The following NEGR1 variants were observed in gnomAD, a reference collection of about 807,000 sequenced individuals.
NEGR1 encodes neuronal growth regulator 1.
Under a neutral mutation model 40.9 loss-of-function variants are expected in NEGR1, and 10 were observed. The observed-to-expected ratio is 0.24, with a 90% confidence interval of 0.15 to 0.42. NEGR1 has a LOEUF of 0.42. Ranked by LOEUF, NEGR1 falls within the 10% of genes least tolerant of loss-of-function variation. The probability of loss-of-function intolerance (pLI) is 1.00; values close to 1 mark genes in which losing one functional copy is unlikely to be tolerated. For synonymous variants in NEGR1, 185 were observed against 166.8 expected, an observed-to-expected ratio of 1.11 and a Z score of -0.84; for missense variants, 352 against 438.9, an observed-to-expected ratio of 0.80 and a Z score of 1.77.
Position 71,685,968 on chromosome 1 carries a change from T to C in NEGR1, c.667+12040A>G, listed in dbSNP as rs1011765444. 1.8e-4 allele frequency among the ~76,000 whole-genome samples: 27 copies of C among 151,990 alleles called. 1 individual carries two copies. Among genetic ancestry groups the C allele is most frequent in the Admixed American group, 1.5e-3 (23 of 15,250 alleles). On this transcript the variant is annotated intron_variant, in intron 4 of 6. Coordinates refer to ENST00000357731, the MANE Select transcript of NEGR1 (RefSeq NM_173808.3). ...TTTATGTCAGAGGTTAATGGCCAGA[T>C]GCTATTTTAAATCCAGTTGTGTTTC...
intron 1 of NEGR1, among the ~76,000 whole-genome samples, chr1:72,280,732 T>C (rs1474885592): frequency 2.6e-5 from 4 of 152,194 alleles, no homozygotes; most frequent in African/African-American, 4.8e-5. Context: ...TTTGAACTCA[T>C]AGGCATGTTC....
chr1:71,978,528 C>T (rs928086213), intron 1 of NEGR1, among the ~76,000 whole-genome samples: 2 of 151,988 alleles, frequency 1.3e-5, no homozygotes, highest in African/African-American at 4.8e-5. Context: ...AAAGCAACCC[C>T]ATTAAAAAGT....
chr1:72,122,132 ACCAAAACT>A (rs988757151), intron 1 of NEGR1, among the ~76,000 whole-genome samples: 2 of 152,032 alleles, frequency 1.3e-5, no homozygotes, highest in African/African-American at 4.8e-5. Context: ...AATCAAAAAC[ACCAAAACT>A]CCCATACTCA....
chr1:72,098,306 A>C (rs371378734), intron 1 of NEGR1, among the ~76,000 whole-genome samples: 28 of 152,244 alleles, frequency 1.8e-4, no homozygotes, highest in African/African-American at 6.5e-4. Flanking sequence ...TTAAAACGGA[A>C]ACAACATAAT....
intron 2 of NEGR1, among the ~76,000 whole-genome samples, chr1:71,921,703 AATATATAT>A (rs61614174): frequency 0.063 from 8,428 of 134,006 alleles, 571 homozygotes; most frequent in Admixed American, 0.2. Context: ...ACAGTACAAG[AATATATAT>A]ATATATATAT....
chr1:71,451,333 A>ATTT lies in NEGR1; in HGVS notation c.941-43766_941-43764dup, dbSNP rs35201330. On this transcript the variant is annotated intron_variant, in intron 6 of 6. Coordinates refer to ENST00000357731, the MANE Select transcript of NEGR1 (RefSeq NM_173808.3). ...TGAGAGGCACACAGTAGTGCTACAGATTTTTTTTTTTTTTTTTGAGTCAAA... is the reference window on the plus strand; with the variant it reads ...TGAGAGGCACACAGTAGTGCTACAGATTTTTTTTTTTTTTTTTTTTGAGTCAAA... 5.3e-4 allele frequency among the ~76,000 whole-genome samples: 73 copies of ATTT among 138,350 alleles called. 1 individual carries two copies. Among genetic ancestry groups the ATTT allele is most frequent in the South Asian group, 3.5e-3 (15 of 4,268 alleles). The allele number at this position is 138,350 out of a possible 152,430, so 90.8% of individuals were successfully genotyped here.
At chr1:71,735,859 G>A (rs1655026458) in intron 3 of NEGR1, among the ~76,000 whole-genome samples, 1 of 151,492 alleles carries the variant, frequency 6.6e-6, no homozygotes, top group Non-Finnish European at 1.5e-5. Context: ...AAAGGAATTT[G>A]AAAAAAAATT....
At chr1:71,428,966 T>C (rs1557522590) in intron 6 of NEGR1, among the ~76,000 whole-genome samples, 2 of 152,130 alleles carry the variant, frequency 1.3e-5, no homozygotes, top group South Asian at 2.1e-4. Context: ...AAGAAAAGAA[T>C]ACTTTAAAAA....
At chr1:71,688,608 C>T (rs1387096965) in intron 4 of NEGR1, among the ~76,000 whole-genome samples, 1 of 151,478 alleles carries the variant, frequency 6.6e-6, no homozygotes, top group African/African-American at 2.4e-5. Context: ...AGGTGCACGC[C>T]ACCATGCCCA....
intron 2 of NEGR1, among the ~76,000 whole-genome samples, chr1:71,856,344 T>A (rs1012218786): frequency 2.6e-5 from 4 of 152,024 alleles, no homozygotes; most frequent in Non-Finnish European, 5.9e-5. Context: ...AAAGAGTGAG[T>A]TATCCTATGA....
chr1:71,846,752 C>G lies in NEGR1; in HGVS notation c.410-70455G>C, dbSNP rs546683772. Reference sequence around the variant, plus strand: ...GCTCTGTGCCCGGTGAGGGCCTGTTCCTTATAGGCAGTGCCTTCTTGCTGC... The same window carrying G: ...GCTCTGTGCCCGGTGAGGGCCTGTTGCTTATAGGCAGTGCCTTCTTGCTGC... On this transcript the variant is annotated intron_variant, in intron 2 of 6. Transcript: ENST00000357731. Among the ~76,000 whole-genome samples the G allele has an allele frequency of 3.3e-5, 5 of 152,204 alleles. No individual in the cohort carries two copies. In the East Asian group the frequency reaches 9.7e-4, roughly 30 times the overall value.
chr1:71,543,634 A>C (rs1332916606), intron 6 of NEGR1, among the ~76,000 whole-genome samples: 2 of 151,762 alleles, frequency 1.3e-5, no homozygotes, highest in Non-Finnish European at 2.9e-5. Flanking sequence ...ACATAAAAGA[A>C]ATATGTGATT....
chr1:71,489,213 A>G (rs1646908473), intron 6 of NEGR1, among the ~76,000 whole-genome samples: 1 of 151,846 alleles, frequency 6.6e-6, no homozygotes, highest in Admixed American at 6.6e-5. Flanking sequence ...GCATATATTC[A>G]GCGAATTGGG....
chr1:71,861,360 T>C (rs1239201558), intron 2 of NEGR1, among the ~76,000 whole-genome samples: 1 of 152,040 alleles, frequency 6.6e-6, no homozygotes, highest in Non-Finnish European at 1.5e-5. Context: ...CACATCTCTT[T>C]GGAAGAGTTC....
chr1:72,177,515 ATCT>A (rs895771808), intron 1 of NEGR1, among the ~76,000 whole-genome samples: 3 of 152,066 alleles, frequency 2.0e-5, no homozygotes, highest in Non-Finnish European at 2.9e-5. Context: ...GTTTTGAATT[ATCT>A]TCTTTTTATG....
chr1:71,512,363 A>G (rs1172564031), intron 6 of NEGR1, among the ~76,000 whole-genome samples: 3 of 152,144 alleles, frequency 2.0e-5, no homozygotes, highest in African/African-American at 7.2e-5. Context: ...TGATAACAGG[A>G]CTGTACTCAA....
intron 1 of NEGR1, among the ~76,000 whole-genome samples, chr1:72,178,956 T>A (rs1024470604): frequency 6.6e-6 from 1 of 152,002 alleles, no homozygotes. Flanking sequence ...TAGACATTTG[T>A]CAGATGCATA....
intron 1 of NEGR1, among the ~76,000 whole-genome samples, chr1:71,967,530 A>G (rs1646219986): frequency 6.6e-6 from 1 of 152,208 alleles, no homozygotes; most frequent in South Asian, 2.1e-4. Context: ...GAGTAACTAG[A>G]GACATACATG....
At chr1:71,739,557 CT>C (rs1042249559) in intron 3 of NEGR1, among the ~76,000 whole-genome samples, 1 of 151,994 alleles carries the variant, frequency 6.6e-6, no homozygotes, top group African/African-American at 2.4e-5. Context: ...CATTCTTACT[CT>C]TTTCCGAAAA....
Sources: gnomAD v4.1 joint callset for allele counts (sites outside exome capture counted in the v4.1 genomes callset) on GRCh38, gnomAD v4.1.1 for gene constraint, MANE v1.5 for transcripts, NCBI Gene and HGNC (gene_info 2026-07-23, HGNC 2026-07-21) for gene names.